The following RNLS variants were observed in gnomAD, a reference collection of about 807,000 sequenced individuals.
RNLS encodes the protein renalase.
Under a neutral mutation model 39.8 loss-of-function variants are expected in RNLS, and 39 were observed. The ratio of observed to expected loss-of-function variants is 0.98; its 90% CI spans 0.76 to 1.28. The LOEUF is 1.28. RNLS is among the 50% of genes most tolerant of loss of function. RNLS has a pLI of 0.00. For missense variants in RNLS, 410 were observed against 413.3 expected, an observed-to-expected ratio of 0.99 and a Z score of 0.07; for synonymous variants, 147 against 150.7, an observed-to-expected ratio of 0.98 and a Z score of 0.18.
chr10:88,424,077 C>T (rs184532294), intron 4 of RNLS, among the ~76,000 whole-genome samples: 1 of 152,304 alleles, frequency 6.6e-6, no homozygotes, highest in East Asian at 1.9e-4. Flanking sequence ...TATTTCCCTT[C>T]ATGGCTTTGA....
chr10:88,218,599 A>T, the RNLS span, among the ~76,000 whole-genome samples: 1 of 152,196 alleles, frequency 6.6e-6, no homozygotes, highest in African/African-American at 2.4e-5. Flanking sequence ...ACCCACTGTT[A>T]GGATAAGCTA....
intron 5 of RNLS, among the ~76,000 whole-genome samples, chr10:88,349,502 C>T (rs1338449162): frequency 6.6e-6 from 1 of 152,124 alleles, no homozygotes; most frequent in Admixed American, 6.5e-5. Flanking sequence ...GAGTTGGGAT[C>T]TACATATTCC....
chr10:88,454,682 T>C (rs1842534035), intron 4 of RNLS, among the ~76,000 whole-genome samples: 1 of 152,162 alleles, frequency 6.6e-6, no homozygotes, highest in South Asian at 2.1e-4. Flanking sequence ...AGGGGAAACA[T>C]ATTAAAGTCA....
intron 6 of RNLS, among the ~76,000 whole-genome samples, chr10:88,278,254 C>G (rs1275633709): frequency 6.6e-6 from 1 of 152,028 alleles, no homozygotes; most frequent in Admixed American, 6.6e-5. Context: ...CTCTGTATCA[C>G]TAACATTCAG....
chr10:88,423,714 T>C (rs1026343856), intron 4 of RNLS, among the ~76,000 whole-genome samples: 2 of 152,228 alleles, frequency 1.3e-5, no homozygotes, highest in African/African-American at 4.8e-5. Context: ...CCTTGTTTGT[T>C]GGTTGATCTG....
chr10:88,281,978 G>C (rs1211389737), downstream of RNLS, among the ~76,000 whole-genome samples: 1 of 152,118 alleles, frequency 6.6e-6, no homozygotes, highest in Non-Finnish European at 1.5e-5. Context: ...AGAGGAATCA[G>C]ATGGAAAGGA....
chr10:88,462,881 T>C (rs1226836433), intron 4 of RNLS, among the ~76,000 whole-genome samples: 1 of 151,922 alleles, frequency 6.6e-6, no homozygotes. Context: ...TATCTCAAGG[T>C]GATGAAACAA....
At chr10:88,196,308 C>T in the RNLS span, among the ~76,000 whole-genome samples, 3 of 152,232 alleles carry the variant, frequency 2.0e-5, no homozygotes, top group African/African-American at 7.2e-5. Context: ...AAAGCCCTTT[C>T]TGGCAAATCG....
intron 6 of RNLS, among the ~76,000 whole-genome samples, chr10:88,290,594 TA>T (rs1222835147): frequency 6.6e-6 from 1 of 152,208 alleles, no homozygotes; most frequent in Non-Finnish European, 1.5e-5. Context: ...ATTTTATACT[TA>T]ATAGAAAAGT....
chr10:88,538,134 G>T (rs1847862297), intron 4 of RNLS, among the ~76,000 whole-genome samples: 1 of 152,142 alleles, frequency 6.6e-6, no homozygotes, highest in Admixed American at 6.6e-5. Context: ...GATGTAGAGA[G>T]CCAGACAGGG....
chr10:88,576,691 C>T (rs1469628769), intron 3 of RNLS, among the ~76,000 whole-genome samples: 4 of 152,182 alleles, frequency 2.6e-5, no homozygotes, highest in African/African-American at 4.8e-5. Context: ...CCCAGACTCA[C>T]TTCCCCTCTA....
At chr10:88,202,062 C>T in the RNLS span, among the ~76,000 whole-genome samples, 25 of 151,926 alleles carry the variant, frequency 1.6e-4, no homozygotes, top group Non-Finnish European at 2.4e-4. Flanking sequence ...TGTCCATCAA[C>T]GATAGATTGG....
At chr10:88,581,290 G>GTATATATATA (rs879726063) in intron 3 of RNLS, among the ~76,000 whole-genome samples, 2 of 135,474 alleles carry the variant, frequency 1.5e-5, no homozygotes, top group East Asian at 2.0e-4. Context: ...ATGTGTGTGT[G>GTATATATATA]TGTGTATATA....
At chr10:88,293,392 G>GCT (rs1325459463) in intron 6 of RNLS, among the ~76,000 whole-genome samples, 1 of 152,062 alleles carries the variant, frequency 6.6e-6, no homozygotes, top group East Asian at 1.9e-4. Flanking sequence ...TTGAATATTT[G>GCT]GTTAACTTGT....
chr10:88,499,812 C>T (rs1270454978), intron 4 of RNLS, among the ~76,000 whole-genome samples: 1 of 152,106 alleles, frequency 6.6e-6, no homozygotes, highest in Non-Finnish European at 1.5e-5. Context: ...CAGCAGTGGG[C>T]CCCACTTATC....
rs1733169033 is a variant in RNLS, at chr10:88,472,735, C to T, written c.526+100168G>A. On this transcript the variant is annotated intron_variant, in intron 4 of 6. Coordinates refer to ENST00000331772, the MANE Select transcript of RNLS (RefSeq NM_001031709.3). ...TAGTGTGTTCCATGAACTACAGGCA[C>T]CCCATCACCTGGGGGAGCTTGTTGA... Among the ~76,000 whole-genome samples, 3 of 152,150 alleles carry T rather than the reference C, an allele frequency of 2.0e-5. No individual in the cohort carries two copies. The South Asian group carries it at 6.2e-4, about 32-fold the overall frequency.
At chr10:88,415,672 G>A (rs982378374) in intron 4 of RNLS, among the ~76,000 whole-genome samples, 1 of 152,170 alleles carries the variant, frequency 6.6e-6, no homozygotes, top group African/African-American at 2.4e-5. Flanking sequence ...GTCTCATTGG[G>A]TTGCTGTTAG....
intron 5 of RNLS, among the ~76,000 whole-genome samples, chr10:88,332,405 C>T (rs535339031): frequency 6.6e-5 from 10 of 152,288 alleles, no homozygotes; most frequent in Non-Finnish European, 1.5e-4. Flanking sequence ...CTTCCCTTTA[C>T]ATATTTCACT....
intron 4 of RNLS, among the ~76,000 whole-genome samples, chr10:88,554,650 A>G (rs1848763680): frequency 6.6e-6 from 1 of 151,816 alleles, no homozygotes; most frequent in Admixed American, 6.6e-5. Context: ...CTCACCTCCA[A>G]AAGTATCATC....
Sources: allele counts gnomAD v4.1 joint callset (sites outside exome capture counted in the v4.1 genomes callset), GRCh38; gene constraint gnomAD v4.1.1; transcripts MANE v1.5; gene names NCBI Gene and HGNC (gene_info 2026-07-23, HGNC 2026-07-21).